Variants in CTNNA2 observed in about 807,000 individuals in gnomAD.
CTNNA2 encodes catenin alpha 2, also known as catenin alpha-2.
Under a neutral mutation model 101.0 loss-of-function variants are expected in CTNNA2, and 42 were observed. The observed-to-expected ratio is 0.42, with a 90% CI of 0.32 to 0.54. CTNNA2 has a LOEUF of 0.54. Ranked by LOEUF, CTNNA2 falls within the 20% of genes least tolerant of loss-of-function variation. The pLI is 0.14. For missense variants in CTNNA2, 871 were observed against 1,223.1 expected (o/e 0.71, Z 4.29); for synonymous variants, 450 against 456.4 (o/e 0.99, Z 0.18).
intron 1 of CTNNA2, among the ~76,000 whole-genome samples, chr2:79,619,135 G>A (rs1558776211): frequency 6.6e-6 from 1 of 152,258 alleles, no homozygotes; most frequent in Non-Finnish European, 1.5e-5. Context: ...CAGCCTGGGA[G>A]GCGGAGGTTG....
chr2:80,554,833 G>T (rs555363204), intron 11 of CTNNA2, among the ~76,000 whole-genome samples: 1 of 152,150 alleles, frequency 6.6e-6, no homozygotes, highest in South Asian at 2.1e-4. Flanking sequence ...TTAGAATTCT[G>T]CTTCTAAAGA....
At chr2:80,357,347 A>G (rs1204208757) in intron 7 of CTNNA2, among the ~76,000 whole-genome samples, 2 of 151,828 alleles carry the variant, frequency 1.3e-5, no homozygotes, top group East Asian at 3.9e-4. Context: ...AGAAGGTAGC[A>G]TGATGTTCTG....
chr2:80,042,464 AG>A (rs1259223070), intron 7 of CTNNA2, among the ~76,000 whole-genome samples: 2 of 152,196 alleles, frequency 1.3e-5, no homozygotes, highest in African/African-American at 4.8e-5. Flanking sequence ...GAAACATCGA[AG>A]GTGAGAGAGA....
intron 2 of CTNNA2, among the ~76,000 whole-genome samples, chr2:79,290,776 T>A (rs10865441): frequency 0.84 from 127,839 of 152,122 alleles, 53,885 homozygotes; most frequent in African/African-American, 0.87. Flanking sequence ...GCTGAGGGCT[T>A]TTTCCACTCA....
At chr2:80,505,043 C>T (rs1341379692) in intron 9 of CTNNA2, among the ~76,000 whole-genome samples, 1 of 152,178 alleles carries the variant, frequency 6.6e-6, no homozygotes, top group Admixed American at 6.5e-5. Context: ...TGGTGGCATG[C>T]CTTACGGAGG....
chr2:79,216,582 G>A (rs1674263254), intron 2 of CTNNA2, among the ~76,000 whole-genome samples: 1 of 151,556 alleles, frequency 6.6e-6, no homozygotes, highest in African/African-American at 2.4e-5. Flanking sequence ...GGAAATAAGG[G>A]ATCAGGGGGT....
intron 3 of CTNNA2, among the ~76,000 whole-genome samples, chr2:79,846,939 G>A (rs1278751878): frequency 6.6e-6 from 1 of 152,184 alleles, no homozygotes; most frequent in Non-Finnish European, 1.5e-5. Context: ...ATATGTACAT[G>A]TTAATTGGCT....
At chr2:79,356,928 C>G (rs1422934526) in intron 3 of CTNNA2, among the ~76,000 whole-genome samples, 1 of 151,908 alleles carries the variant, frequency 6.6e-6, no homozygotes, top group African/African-American at 2.4e-5. Context: ...ATTAAAAATT[C>G]AAGAAAATGG....
chr2:79,727,038 C>A (rs1324110985), intron 2 of CTNNA2, among the ~76,000 whole-genome samples: 1 of 152,194 alleles, frequency 6.6e-6, no homozygotes, highest in Admixed American at 6.5e-5. Flanking sequence ...CAATTAAACA[C>A]CTGCCTTAGA....
chr2:79,767,861 A>G lies in CTNNA2; in HGVS notation c.298+23279A>G, dbSNP rs1375104192. 9.2e-5 allele frequency among the ~76,000 whole-genome samples: 14 copies of G among 151,462 alleles called. No homozygotes were observed. In the East Asian group the frequency reaches 2.8e-3, roughly 30 times the overall value. ...CTTCTCCTCTCCTCAAGCAGAAGGAAGGGGTCTCTCTTGGAGCTGTGAGCT... is the reference window on the plus strand; with the variant it reads ...CTTCTCCTCTCCTCAAGCAGAAGGAGGGGGTCTCTCTTGGAGCTGTGAGCT... On this transcript the variant is annotated intron_variant, in intron 3 of 18. Coordinates refer to ENST00000402739, the MANE Select transcript of CTNNA2 (RefSeq NM_001282597.3).
chr2:79,443,168 T>C (rs888206758), intron 4 of CTNNA2, among the ~76,000 whole-genome samples: 3 of 152,096 alleles, frequency 2.0e-5, no homozygotes, highest in African/African-American at 7.2e-5. Flanking sequence ...CGTGAAGAAT[T>C]CTGACAAAAT....
chr2:80,232,146 A>C (rs980323073), intron 7 of CTNNA2, among the ~76,000 whole-genome samples: 1 of 152,124 alleles, frequency 6.6e-6, no homozygotes, highest in Non-Finnish European at 1.5e-5. Flanking sequence ...GACCAAACCA[A>C]TGTATACGTC....
chr2:80,561,129 C>G (rs954773356), intron 12 of CTNNA2, among the ~76,000 whole-genome samples: 2 of 152,050 alleles, frequency 1.3e-5, no homozygotes, highest in African/African-American at 4.8e-5. Context: ...ACCTGCCTAT[C>G]TCTCTGGCTG....
At chr2:80,128,564 G>A (rs1206313374) in intron 7 of CTNNA2, among the ~76,000 whole-genome samples, 1 of 152,162 alleles carries the variant, frequency 6.6e-6, no homozygotes, top group Non-Finnish European at 1.5e-5. Flanking sequence ...AGCACAGTTT[G>A]TATAACTTTA....
At chr2:79,863,144 A>G (rs1386679588) in intron 4 of CTNNA2, among the ~76,000 whole-genome samples, 1 of 140,174 alleles carries the variant, frequency 7.1e-6, no homozygotes, top group East Asian at 2.9e-4. Context: ...TCAAACAAAC[A>G]AACAACAAAA....
At chr2:80,394,251 G>A (rs545622662) in intron 8 of CTNNA2, among the ~76,000 whole-genome samples, 4 of 152,332 alleles carry the variant, frequency 2.6e-5, no homozygotes, top group South Asian at 2.1e-4. Flanking sequence ...AGGCCTGGGC[G>A]AGAATGGCCA....
intron 7 of CTNNA2, among the ~76,000 whole-genome samples, chr2:79,975,948 A>G (rs1690809436): frequency 6.6e-6 from 1 of 152,150 alleles, no homozygotes; most frequent in African/African-American, 2.4e-5. Flanking sequence ...TTCAGCTTCT[A>G]TCCCCTACCA....
chr2:79,916,888 G>A (rs936086570), intron 7 of CTNNA2, among the ~76,000 whole-genome samples: 2 of 152,040 alleles, frequency 1.3e-5, no homozygotes, highest in Non-Finnish European at 2.9e-5. Flanking sequence ...CTCTCAAAGT[G>A]CTAGGATTAC....
At chr2:80,428,450 T>TG (rs1559102129) in intron 9 of CTNNA2, among the ~76,000 whole-genome samples, 1 of 152,168 alleles carries the variant, frequency 6.6e-6, no homozygotes, top group Non-Finnish European at 1.5e-5. Flanking sequence ...AGTGGGAAGA[T>TG]GCGGCTCAAT....
Sources: gnomAD v4.1 joint callset for allele counts (sites outside exome capture counted in the v4.1 genomes callset) on GRCh38, gnomAD v4.1.1 for gene constraint, MANE v1.5 for transcripts, NCBI Gene and HGNC (gene_info 2026-07-23, HGNC 2026-07-21) for gene names.